The following USP10 variants were observed in gnomAD, a reference collection of about 807,000 sequenced individuals.
The protein encoded by USP10 is ubiquitin specific peptidase 10, also known as ubiquitin carboxyl-terminal hydrolase 10.
Under a neutral mutation model 84.5 loss-of-function variants are expected in USP10, and 22 were observed. The ratio of observed to expected loss-of-function variants is 0.26; its 90% confidence interval spans 0.19 to 0.37. USP10 has a LOEUF of 0.37. Among genes scored for constraint, USP10 ranks in the 10% least tolerant of loss-of-function variants. USP10 has a pLI of 1.00. For synonymous variants in USP10, 454 were observed against 387.6 expected, an observed-to-expected ratio of 1.17 and a Z score of -2.01; for missense variants, 1,019 against 998.9, an observed-to-expected ratio of 1.02 and a Z score of -0.27.
At position 84,740,349 on chromosome 16, in the gene USP10, C is replaced by T. The variant is rs375612898; in HGVS notation, c.131C>T (p.Ala44Val). ...YSGTVLCGTQ[A>V]VDKLPDGQEY... is the part of the protein sequence containing the mutation. ...GGAACAGTTCTGTGTGGCACACAGGCTGTGGATAAACTACCTGATGGTAAG... is the reference window on the plus strand; with the variant it reads ...GGAACAGTTCTGTGTGGCACACAGGTTGTGGATAAACTACCTGATGGTAAG... The change falls in exon 3 of 14, where the codon GCT (alanine) becomes GTT (valine). Residue 44 changes from alanine (A) to valine (V), a missense_variant. Transcript: ENST00000219473. 50 of 1,612,872 alleles carry T rather than the reference C, an allele frequency of 3.1e-5. No individual in the cohort carries two copies. Among genetic ancestry groups the T allele is most frequent in the Non-Finnish European group, 4.1e-5 (48 of 1,179,298 alleles).
chr16:84,768,804 C>T (rs559791500), intron 11 of USP10, among the ~76,000 whole-genome samples: 1 of 152,300 alleles, frequency 6.6e-6, no homozygotes, highest in South Asian at 2.1e-4. Context: ...ATAATATAGT[C>T]ATTGTAAATA....
intron 8 of USP10, among the ~76,000 whole-genome samples, chr16:84,761,924 G>A (rs909053203): frequency 3.3e-5 from 5 of 152,360 alleles, no homozygotes; most frequent in African/African-American, 9.6e-5. Context: ...TTCTGCACAC[G>A]TGCAGAGCAT....
chr16:84,770,026 C>G (rs1027039079), intron 11 of USP10, among the ~76,000 whole-genome samples: 9 of 151,966 alleles, frequency 5.9e-5, no homozygotes, highest in African/African-American at 2.2e-4. Context: ...GGAGGATTGC[C>G]TGAGCCCAAC....
intron 1 of USP10, among the ~76,000 whole-genome samples, chr16:84,712,900 T>C (rs1906499232): frequency 6.6e-6 from 1 of 152,228 alleles, no homozygotes; most frequent in Non-Finnish European, 1.5e-5. Context: ...GCAGAGAGAA[T>C]GCCTTCACCA....
intron 1 of USP10, among the ~76,000 whole-genome samples, chr16:84,725,633 A>G (rs1030180259): frequency 1.3e-5 from 2 of 151,922 alleles, no homozygotes; most frequent in African/African-American, 4.8e-5. Flanking sequence ...CTGACTCCTG[A>G]CCTCAGGTGA....
At chr16:84,730,504 A>C (rs1276646364) in intron 1 of USP10, among the ~76,000 whole-genome samples, 1 of 152,258 alleles carries the variant, frequency 6.6e-6, no homozygotes, top group Non-Finnish European at 1.5e-5. Context: ...TAAAACTAAT[A>C]AATTTGAAAA....
rs1266104008 is a variant in USP10, at chr16:84,779,046, C to T, written c.2361C>T (p.Ala787=). 1 of 1,613,964 alleles carries T rather than the reference C, an allele frequency of 6.2e-7. No homozygotes were observed. Among genetic ancestry groups the T allele is most frequent in the African/African-American group, 1.3e-5 (1 of 75,054 alleles). The change falls in exon 14 of 14, where the codon GCC becomes GCT. Residue 787 remains alanine, a synonymous_variant. Coordinates refer to ENST00000219473, the MANE Select transcript of USP10 (RefSeq NM_005153.3). ...QVVKPTAERT[A]YLLYYRRVDL... is the part of the protein sequence containing the mutation. ...TGAAACCAACTGCTGAACGCACAGC[C>T]TACCTCCTGTATTACCGCCGAGTGG...
At chr16:84,706,773 C>G (rs918728181) in intron 1 of USP10, among the ~76,000 whole-genome samples, 19 of 151,850 alleles carry the variant, frequency 1.3e-4, no homozygotes, top group African/African-American at 4.1e-4. Flanking sequence ...ATCTCCTGAC[C>G]TCGGGATCTG....
chr16:84,712,428 C>T (rs1333287625), intron 1 of USP10, among the ~76,000 whole-genome samples: 3 of 152,188 alleles, frequency 2.0e-5, no homozygotes, highest in Non-Finnish European at 2.9e-5. Context: ...CCCCAGTGTC[C>T]CCACTGCCTA....
chr16:84,700,755 C>A (rs565901941), intron 1 of USP10, among the ~76,000 whole-genome samples: 6 of 152,300 alleles, frequency 3.9e-5, no homozygotes, highest in Admixed American at 2.0e-4. Context: ...ACGAATCCAT[C>A]CCAGCCAGGC....
chr16:84,718,971 T>C (rs77749545), intron 1 of USP10, among the ~76,000 whole-genome samples: 18,809 of 151,698 alleles, frequency 0.12, 1,307 homozygotes, highest in African/African-American at 0.19. Flanking sequence ...TTTCGTATTT[T>C]AGTAGAGACA....
Position 84,759,578 on chromosome 16 carries a change from A to T in USP10, c.1394+106A>T. 3 of 1,056,610 alleles carry T rather than the reference A, an allele frequency of 2.8e-6. No individual in the cohort carries two copies. In the South Asian group the frequency reaches 4.3e-5, roughly 15 times the overall value. The allele number at this position is 1,056,610 out of a possible 1,614,324, so 65.5% of individuals were successfully genotyped here. On this transcript the variant is annotated intron_variant, in intron 6 of 13. Transcript: ENST00000219473. ...TCTTGATTTCCTGCAAATGAGTCCT[A>T]TAATTCTGTCTTTTTTTAAAAATAG...
At position 84,763,115 on chromosome 16, in the gene USP10, G is replaced by C; in HGVS notation, c.1654+27G>C. Reference sequence around the variant, plus strand: ...TAGGTTATGGTCCACTTGCCGCAGAGTTGTGCAAGAGTTCGCTGTAAACAG... The same window carrying C: ...TAGGTTATGGTCCACTTGCCGCAGACTTGTGCAAGAGTTCGCTGTAAACAG... On this transcript the variant is annotated intron_variant, in intron 9 of 13. Coordinates refer to ENST00000219473, the MANE Select transcript of USP10 (RefSeq NM_005153.3). 4.6e-6 allele frequency: 7 copies of C among 1,517,026 alleles called. No individual in the cohort carries two copies. The South Asian group carries it at 8.0e-5, about 17-fold the overall frequency. The allele number at this position is 1,517,026 out of a possible 1,614,324, so 94.0% of individuals were successfully genotyped here. A position where few individuals can be genotyped will look rare whatever the true frequency, so the allele number is the denominator to read the frequency against.
rs572426616 is a variant in USP10 at position 84,744,696 on chromosome 16, C to G, written c.215C>G (p.Pro72Arg). 9.9e-6 allele frequency: 16 copies of G among 1,613,522 alleles called. No homozygotes were observed. Among genetic ancestry groups the G allele is most frequent in the Non-Finnish European group, 1.4e-5 (16 of 1,179,676 alleles). Reference protein sequence around the residue: ...DEVIEPSDTLPRTPSYSISST... With the variant: ...DEVIEPSDTLRRTPSYSISST... The stretch of plus-strand genomic sequence containing the variant: ...GTCATTGAACCCAGTGACACTTTGC[C>G]GAGAACCCCCAGCTACAGTATTTCA... The change falls in exon 4 of 14, where the codon CCG (proline) becomes CGG (arginine). Residue 72 changes from proline (P) to arginine (R), a missense_variant. Physicochemically the swap from Pro to Arg is moderately radical, Grantham distance 103. Transcript: ENST00000219473.
At chr16:84,712,774 G>C (rs1906484692) in intron 1 of USP10, among the ~76,000 whole-genome samples, 1 of 152,172 alleles carries the variant, frequency 6.6e-6, no homozygotes, top group African/African-American at 2.4e-5. Context: ...TACCTCTGTT[G>C]TGTAGTTTCT....
intron 1 of USP10, among the ~76,000 whole-genome samples, chr16:84,715,031 C>T (rs746168594): frequency 6.6e-6 from 1 of 151,372 alleles, no homozygotes; most frequent in Non-Finnish European, 1.5e-5. Context: ...TGTGCTAAAG[C>T]GATTCTCCTG....
chr16:84,775,707 T>C (rs949220660), intron 13 of USP10, among the ~76,000 whole-genome samples: 2 of 152,198 alleles, frequency 1.3e-5, no homozygotes, highest in African/African-American at 4.8e-5. Flanking sequence ...TGCCAGGCCC[T>C]CAGTCAGTCA....
chr16:84,729,968 G>A (rs1286944714), intron 1 of USP10, among the ~76,000 whole-genome samples: 2 of 152,182 alleles, frequency 1.3e-5, no homozygotes, highest in African/African-American at 2.4e-5. Flanking sequence ...ACATGCTTAT[G>A]AAATTATGTC....
At chr16:84,729,580 G>A (rs556548584) in intron 1 of USP10, among the ~76,000 whole-genome samples, 18 of 152,290 alleles carry the variant, frequency 1.2e-4, no homozygotes, top group Non-Finnish European at 1.8e-4. Context: ...CAAGTTCCCC[G>A]GGAGGCTGAG....
Sources: allele counts gnomAD v4.1 joint callset (sites outside exome capture counted in the v4.1 genomes callset), GRCh38; gene constraint gnomAD v4.1.1; transcripts MANE v1.5; gene names NCBI Gene and HGNC (gene_info 2026-07-23, HGNC 2026-07-21).